The following RNF39 variants were observed in gnomAD, a reference collection of about 807,000 sequenced individuals.
The protein encoded by RNF39 is ring finger protein 39.
In RNF39, 25 loss-of-function variants were observed where a neutral mutation model predicts 29.2. The ratio of observed to expected loss-of-function variants is 0.86; its 90% CI spans 0.62 to 1.20. The LOEUF (loss-of-function observed/expected upper bound fraction) is 1.20, where lower values mean the gene tolerates loss of function less well. RNF39 is among the 50% of genes most tolerant of loss of function. The pLI is 0.00. For missense variants in RNF39, 519 were observed against 515.0 expected, an observed-to-expected ratio of 1.01 and a Z score of -0.08; for synonymous variants, 219 against 229.0, an observed-to-expected ratio of 0.96 and a Z score of 0.40.
Position 30,072,476 on chromosome 6 carries a change from T to G in RNF39, c.478+681A>C, listed in dbSNP as rs1406156361. Among the ~76,000 whole-genome samples the G allele has an allele frequency of 6.6e-6, 1 of 151,686 alleles. No homozygotes were observed. The highest frequency in any genetic ancestry group is 1.5e-5 in the Non-Finnish European group (1 of 67,884). The stretch of plus-strand genomic sequence containing the variant: ...TTGGGAGTGAGTGAGGAAAGAAGGG[T>G]CAAGGAGATGCTGGGGTCCCCTTCC... On this transcript the variant is annotated intron_variant, in intron 3 of 3. Coordinates refer to ENST00000244360, the MANE Select transcript of RNF39 (RefSeq NM_025236.4). The surrounding 1 kb of genome is among the most constrained non-coding windows in gnomAD (Gnocchi z 4.5).
rs1765825816 is a variant in RNF39 at position 30,070,272 on chromosome 6, C to T, written c.*839G>A. The stretch of plus-strand genomic sequence containing the variant: ...GTTACAGAGATCAGTCAAATCCATA[C>T]CACCACTGAGATCTCATTTATTGCC... On this transcript the variant is annotated 3_prime_UTR_variant, in exon 4 of 4. Coordinates refer to ENST00000244360, the MANE Select transcript of RNF39 (RefSeq NM_025236.4). 2 of 156,062 alleles carry T rather than the reference C, an allele frequency of 1.3e-5. No homozygotes were observed. Among genetic ancestry groups the T allele is most frequent in the African/African-American group, 4.8e-5 (2 of 41,454 alleles). 9.7% of individuals were successfully genotyped at this position (156,062 alleles called of 1,614,324 possible).
chr6:30,073,039 A>G (rs1766113181), intron 3 of RNF39, 118 bp downstream of exon 3: 1 of 712,400 alleles, frequency 1.4e-6, no homozygotes. Context: ...TCATTAGAGC[A>G]GTACTAGGAA....
chr6:30,070,802 T>G lies in RNF39; in HGVS notation c.*309A>C. ...ATCATGGTCACTTTACCAATACTGA[T>G]GGGGAGGGCCTGTTCCCCATTGCAG... On this transcript the variant is annotated 3_prime_UTR_variant, in exon 4 of 4. Transcript: ENST00000244360. The G allele has an allele frequency of 1.5e-5, 9 of 616,556 alleles. No homozygotes were observed. The highest frequency in any genetic ancestry group is 2.4e-5 in the Non-Finnish European group (8 of 330,326). 38.2% of individuals were successfully genotyped at this position (616,556 alleles called of 1,614,324 possible). A position where few individuals can be genotyped will look rare whatever the true frequency, so the allele number is the denominator to read the frequency against.
rs1361937427 is a variant in RNF39, at chr6:30,074,505, C to T, written c.363+718G>A. Among the ~76,000 whole-genome samples the T allele has an allele frequency of 1.3e-5, 2 of 152,038 alleles. No individual in the cohort carries two copies. Among genetic ancestry groups the T allele is most frequent in the Non-Finnish European group, 2.9e-5 (2 of 67,984 alleles). ...CAGCGGCTGTTCTCCCGCACCTCGC[C>T]TCCACCCCTGGCCGCTCCTGCCTGG... is the stretch of plus-strand genomic sequence containing the variant. On this transcript the variant is annotated intron_variant, in intron 1 of 3. Transcript: ENST00000244360. The surrounding 1 kb of genome is among the most constrained non-coding windows in gnomAD (Gnocchi z 4.1).
Position 30,071,765 on chromosome 6 carries a change from A to G in RNF39, c.479-74T>C. On this transcript the variant is annotated intron_variant, in intron 3 of 3. Transcript: ENST00000244360. This position sits in a 1 kb window ranked among gnomAD's most constrained non-coding sequence, Gnocchi z 5.0. Reference sequence around the variant, plus strand: ...TCACAGGCGGGGTAGGGTGGAGAATAGTCAACGAAGATCACGTAAAAGACT... The same window carrying G: ...TCACAGGCGGGGTAGGGTGGAGAATGGTCAACGAAGATCACGTAAAAGACT... 8.1e-7 allele frequency: 1 copy of G among 1,232,952 alleles called. No individual in the cohort carries two copies. Among genetic ancestry groups the G allele is most frequent in the Non-Finnish European group, 1.1e-6 (1 of 936,356 alleles). The allele number at this position is 1,232,952 out of a possible 1,614,324, so 76.4% of individuals were successfully genotyped here.
Position 30,071,551 on chromosome 6 carries a change from C to T in RNF39, c.619G>A (p.Gly207Ser). Residue 207 changes from glycine (G) to serine (S), a missense_variant, in exon 4 of 4, where the codon GGT (glycine) becomes AGT (serine). Coordinates refer to ENST00000244360, the MANE Select transcript of RNF39 (RefSeq NM_025236.4). This position sits in a 1 kb window ranked among gnomAD's most constrained non-coding sequence, Gnocchi z 5.0. ...KRFDQLPAVL[G>S]AQGFGAGRHC... Reference sequence around the variant, plus strand: ...CGGCCGGCCCCGAAGCCCTGCGCACCCAGCACAGCTGGGAGCTGATCGAAG... The same window carrying T: ...CGGCCGGCCCCGAAGCCCTGCGCACTCAGCACAGCTGGGAGCTGATCGAAG... 2 of 1,515,010 alleles carry T rather than the reference C, an allele frequency of 1.3e-6. No homozygotes were observed. The highest frequency in any genetic ancestry group is 8.8e-7 in the Non-Finnish European group (1 of 1,136,826). 93.8% of individuals were successfully genotyped at this position (1,515,010 alleles called of 1,614,324 possible).
Position 30,071,467 on chromosome 6 carries a change from C to G in RNF39, c.703G>C (p.Asp235His). ...AASCRDSSGE[D>H]ADDEESHYAV... The stretch of plus-strand genomic sequence containing the variant: ...TAGTGGCTCTCCTCGTCGTCCGCAT[C>G]CTCCCCAGAAGAGTCTCTGCAGGAG... Residue 235 changes from aspartate to histidine, a missense_variant, in exon 4 of 4, where the codon GAT becomes CAT. By Grantham distance (81) the Asp-to-His change is moderately conservative. Transcript: ENST00000244360. The surrounding 1 kb of genome is among the most constrained non-coding windows in gnomAD (Gnocchi z 5.0). 1 of 1,562,526 alleles carries G rather than the reference C, an allele frequency of 6.4e-7. No individual in the cohort carries two copies.
intron 2 of RNF39, 81 bp downstream of exon 2, chr6:30,073,375 G>A: frequency 6.3e-7 from 1 of 1,592,088 alleles, no homozygotes; most frequent in Non-Finnish European, 8.6e-7. Flanking sequence ...CTATTAATGG[G>A]AACAAAGGTG....
chr6:30,073,883 G>T lies in RNF39; in HGVS notation c.364-405C>A, dbSNP rs187991673. Among the ~76,000 whole-genome samples, 366 of 152,134 alleles carry T rather than the reference G, an allele frequency of 2.4e-3. 3 individuals carry two copies. The highest frequency in any genetic ancestry group is 7.5e-3 in the African/African-American group (312 of 41,488). On this transcript the variant is annotated intron_variant, in intron 1 of 3. Transcript: ENST00000244360. The stretch of plus-strand genomic sequence containing the variant: ...CCCATCCTTATCTACCTTCCCCAGT[G>T]CATCCCAGAAAAACATCTGTCCCTT...
chr6:30,073,022 C>T (rs948957254), intron 3 of RNF39, 135 bp downstream of exon 3: 12 of 650,370 alleles, frequency 1.8e-5, no homozygotes, highest in African/African-American at 5.4e-5. Flanking sequence ...ACCTACTTTG[C>T]GGTGCTTCAT....
rs1765872197 is a variant in RNF39 at position 30,070,743 on chromosome 6, TC to T, written c.*367del. 2.0e-6 allele frequency: 1 copy of T among 491,948 alleles called. No homozygotes were observed. Among genetic ancestry groups the T allele is most frequent in the African/African-American group, 1.9e-5 (1 of 51,578 alleles). The allele number at this position is 491,948 out of a possible 1,614,324, so 30.5% of individuals were successfully genotyped here. On this transcript the variant is annotated 3_prime_UTR_variant, in exon 4 of 4. Coordinates refer to ENST00000244360, the MANE Select transcript of RNF39 (RefSeq NM_025236.4). ...GAGCTAGGAGTGGCAAGAGTGGGAG[TC>T]AAGTATTTGACCAGCAGAGCCTCTA...
At position 30,071,535 on chromosome 6, in the gene RNF39, C is replaced by G. The variant is rs1409582667; in HGVS notation, c.635G>C (p.Gly212Ala). The change falls in exon 4 of 4, where the codon GGG becomes GCG. Residue 212 changes from glycine to alanine, a missense_variant. Coordinates refer to ENST00000244360, the MANE Select transcript of RNF39 (RefSeq NM_025236.4). This position sits in a 1 kb window ranked among gnomAD's most constrained non-coding sequence, Gnocchi z 5.0. ...CACCTCCCAGCAGTGGCGGCCGGCCCCGAAGCCCTGCGCACCCAGCACAGC... is the reference window on the plus strand; with the variant it reads ...CACCTCCCAGCAGTGGCGGCCGGCCGCGAAGCCCTGCGCACCCAGCACAGC... Reference protein sequence around the residue: ...LPAVLGAQGFGAGRHCWEVET... With the variant: ...LPAVLGAQGFAAGRHCWEVET... 6.6e-7 allele frequency: 1 copy of G among 1,526,636 alleles called. No individual in the cohort carries two copies. The allele number at this position is 1,526,636 out of a possible 1,614,324, so 94.6% of individuals were successfully genotyped here.
At chr6:30,073,820 C>A (rs1174377110) in intron 1 of RNF39, among the ~76,000 whole-genome samples, 1 of 152,126 alleles carries the variant, frequency 6.6e-6, no homozygotes, top group Non-Finnish European at 1.5e-5. Context: ...GCCTTCCTTG[C>A]TGCCTCCTCA....
At position 30,071,052 on chromosome 6, in the gene RNF39, C is replaced by A; in HGVS notation, c.*59G>T. On this transcript the variant is annotated 3_prime_UTR_variant, in exon 4 of 4. Coordinates refer to ENST00000244360, the MANE Select transcript of RNF39 (RefSeq NM_025236.4). This position sits in a 1 kb window ranked among gnomAD's most constrained non-coding sequence, Gnocchi z 5.0. Reference sequence around the variant, plus strand: ...TCCCAGAAATGAGTGGGGAATTCCACCCCCAAAAAGCAGCTGCAGGGCCAG... The same window carrying A: ...TCCCAGAAATGAGTGGGGAATTCCAACCCCAAAAAGCAGCTGCAGGGCCAG... 1 of 1,342,354 alleles carries A rather than the reference C, an allele frequency of 7.4e-7. No individual in the cohort carries two copies. The highest frequency in any genetic ancestry group is 1.0e-6 in the Non-Finnish European group (1 of 956,630). The allele number at this position is 1,342,354 out of a possible 1,614,324, so 83.2% of individuals were successfully genotyped here.
rs557851699 is a variant in RNF39, at chr6:30,072,246, G to A, written c.479-555C>T. Among the ~76,000 whole-genome samples, 2 of 152,220 alleles carry A rather than the reference G, an allele frequency of 1.3e-5. No individual in the cohort carries two copies. The highest frequency in any genetic ancestry group is 6.5e-5 in the Admixed American group (1 of 15,294). On this transcript the variant is annotated intron_variant, in intron 3 of 3. Coordinates refer to ENST00000244360, the MANE Select transcript of RNF39 (RefSeq NM_025236.4). The surrounding 1 kb of genome is among the most constrained non-coding windows in gnomAD (Gnocchi z 4.5). Reference sequence around the variant, plus strand: ...GGGTGGACAGTCCTATTTCTGTAGGGGTTGTGGGGCAGAGGAGGAGAGCAG... The same window carrying A: ...GGGTGGACAGTCCTATTTCTGTAGGAGTTGTGGGGCAGAGGAGGAGAGCAG...
In RNF39 at chr6:30,075,262, C is replaced by A. The variant is rs778250346; in HGVS notation, c.324G>T (p.Gly108=). The A allele has an allele frequency of 1.3e-6, 2 of 1,598,352 alleles. No homozygotes were observed. Among genetic ancestry groups the A allele is most frequent in the Admixed American group, 1.7e-5 (1 of 59,302 alleles). ...PGARAGRRRG[G]RIPTMGCLDL... ...CCAGGCAGCCCATGGTGGGGATGCG[C>A]CCCCCTCGGCGTCTCCCCGCACGGG... The change falls in exon 1 of 4, where the codon GGG becomes GGT. Residue 108 remains glycine, a synonymous_variant. Coordinates refer to ENST00000244360, the MANE Select transcript of RNF39 (RefSeq NM_025236.4).
Position 30,071,133 on chromosome 6 carries a change from C to T in RNF39, c.1037G>A (p.Arg346His). 3 of 1,552,160 alleles carry T rather than the reference C, an allele frequency of 1.9e-6. No individual in the cohort carries two copies. The highest frequency in any genetic ancestry group is 1.2e-5 in the South Asian group (1 of 80,564). The part of the protein sequence containing the change: ...FCTCDPRAPL[R>H]IVPAES ...GACTCAGCTTTCCGCTGGTACAATG[C>T]GGAGCGGAGCACGAGGGTCGCAGGT... Residue 346 changes from arginine (R) to histidine (H), a missense_variant, in exon 4 of 4, where the codon CGC (arginine) becomes CAC (histidine). Physicochemically the swap from Arg to His is conservative, Grantham distance 29. Coordinates refer to ENST00000244360, the MANE Select transcript of RNF39 (RefSeq NM_025236.4). This position sits in a 1 kb window ranked among gnomAD's most constrained non-coding sequence, Gnocchi z 5.0.
rs1262948872 is a variant in RNF39 at position 30,070,523 on chromosome 6, A to G, written c.*588T>C. Reference sequence around the variant, plus strand: ...TTCTTATGGAAAAAAGGCTGTGAGCATAGAAAGCAGTCATAGGAGGTTGGG... The same window carrying G: ...TTCTTATGGAAAAAAGGCTGTGAGCGTAGAAAGCAGTCATAGGAGGTTGGG... On this transcript the variant is annotated 3_prime_UTR_variant, in exon 4 of 4. Coordinates refer to ENST00000244360, the MANE Select transcript of RNF39 (RefSeq NM_025236.4). The G allele has an allele frequency of 3.9e-6, 1 of 256,834 alleles. No individual in the cohort carries two copies. Among genetic ancestry groups the G allele is most frequent in the African/African-American group, 2.2e-5 (1 of 45,298 alleles). 15.9% of individuals were successfully genotyped at this position (256,834 alleles called of 1,614,324 possible). A position where few individuals can be genotyped will look rare whatever the true frequency, so the allele number is the denominator to read the frequency against.
intron 1 of RNF39, 65 bp from the exon 2 acceptor site, chr6:30,073,543 T>C: frequency 6.3e-7 from 1 of 1,578,692 alleles, no homozygotes; most frequent in Non-Finnish European, 8.7e-7. Flanking sequence ...CATCCTTCCC[T>C]ATCTCTCCCC....
Sources: allele counts gnomAD v4.1 joint callset (sites outside exome capture counted in the v4.1 genomes callset), GRCh38; gene constraint gnomAD v4.1.1; non-coding constraint Gnocchi (gnomAD v3.1); transcripts MANE v1.5; gene names NCBI Gene and HGNC (gene_info 2026-07-23, HGNC 2026-07-21).